Variants in NRXN1 observed in about 807,000 individuals in gnomAD.
The protein encoded by NRXN1 is neurexin-1.
Under a neutral mutation model 150.9 loss-of-function variants are expected in NRXN1, and 39 were observed. The observed-to-expected ratio is 0.26, with a 90% confidence interval of 0.20 to 0.34. The LOEUF is 0.34. NRXN1 is among the 10% of genes least tolerant of loss of function. The pLI, the probability that NRXN1 is intolerant of heterozygous loss-of-function variation, is 1.00. For missense variants in NRXN1, 1,815 were observed against 1,949.9 expected, an observed-to-expected ratio of 0.93 and a Z score of 1.30; for synonymous variants, 924 against 757.0, an observed-to-expected ratio of 1.22 and a Z score of -3.62.
chr2:50,397,512 G>C (rs952091144), intron 17 of NRXN1, among the ~76,000 whole-genome samples: 6 of 152,032 alleles, frequency 3.9e-5, no homozygotes, highest in African/African-American at 1.4e-4. Context: ...ATGAACGGTG[G>C]GTACTATTAT....
chr2:50,271,425 A>AT (rs2069612026), intron 17 of NRXN1, among the ~76,000 whole-genome samples: 1 of 152,194 alleles, frequency 6.6e-6, no homozygotes, highest in Non-Finnish European at 1.5e-5. Context: ...CAAAATGGTC[A>AT]TTTTTTAAAT....
At chr2:50,775,865 T>C (rs966507356) in intron 5 of NRXN1, among the ~76,000 whole-genome samples, 9 of 152,228 alleles carry the variant, frequency 5.9e-5, no homozygotes, top group South Asian at 2.1e-4. Flanking sequence ...TCCAGGGTGA[T>C]TCTTTTCTGT....
chr2:50,241,393 G>A (rs2065986099), intron 17 of NRXN1, among the ~76,000 whole-genome samples: 2 of 151,738 alleles, frequency 1.3e-5, no homozygotes, highest in South Asian at 4.1e-4. Flanking sequence ...GAGGAACATA[G>A]AGGAATGTGT....
chr2:50,372,363 A>T (rs1437455104), intron 17 of NRXN1, among the ~76,000 whole-genome samples: 1 of 152,100 alleles, frequency 6.6e-6, no homozygotes, highest in South Asian at 2.1e-4. Flanking sequence ...TGATTTTTAT[A>T]TAGGTTTTCC....
chr2:50,944,742 G>A (rs1215052703), intron 2 of NRXN1, among the ~76,000 whole-genome samples: 1 of 152,086 alleles, frequency 6.6e-6, no homozygotes. Context: ...TGCCTGTACT[G>A]CAAAGGCTAA....
intron 5 of NRXN1, among the ~76,000 whole-genome samples, chr2:50,668,450 G>C (rs1185987288): frequency 6.6e-6 from 1 of 151,840 alleles, no homozygotes; most frequent in Non-Finnish European, 1.5e-5. Context: ...TATATGAAAG[G>C]AATAATTGCA....
intron 18 of NRXN1, among the ~76,000 whole-genome samples, chr2:50,100,715 C>G (rs189656171): frequency 6.6e-6 from 1 of 152,158 alleles, no homozygotes; most frequent in East Asian, 1.9e-4. Flanking sequence ...AATAAAGCTA[C>G]CTTAGCCTCT....
At chr2:50,079,043 T>A (rs1317019004) in intron 19 of NRXN1, among the ~76,000 whole-genome samples, 1 of 152,096 alleles carries the variant, frequency 6.6e-6, no homozygotes, top group Non-Finnish European at 1.5e-5. Context: ...GTAATTTTTC[T>A]GTATGGGTGA....
At chr2:50,175,470 T>C (rs1009090387) in intron 18 of NRXN1, among the ~76,000 whole-genome samples, 2 of 152,080 alleles carry the variant, frequency 1.3e-5, no homozygotes, top group East Asian at 1.9e-4. Context: ...AGATGGAGCA[T>C]TTCATGAATG....
chr2:50,776,493 G>A (rs1213694442), intron 5 of NRXN1, among the ~76,000 whole-genome samples: 1 of 151,714 alleles, frequency 6.6e-6, no homozygotes, highest in Non-Finnish European at 1.5e-5. Context: ...CAATACTGGT[G>A]ACTTCTTCAT....
Position 50,346,763 on chromosome 2 carries a change from G to A in NRXN1, c.3365-109793C>T. ...ACTGAATGATGCTTGCTGCTGCCAT[G>A]GAAATGGTGGATGTGGTGCGCTCCC... On this transcript the variant is annotated intron_variant, in intron 17 of 22. Coordinates refer to ENST00000401669, the MANE Select transcript of NRXN1 (RefSeq NM_001330078.2). The surrounding 1 kb of genome is among the most constrained non-coding windows in gnomAD (Gnocchi z 5.0). 6.2e-7 allele frequency: 1 copy of A among 1,613,914 alleles called. No homozygotes were observed. The highest frequency in any genetic ancestry group is 8.5e-7 in the Non-Finnish European group (1 of 1,179,972).
chr2:50,636,064 C>G (rs1683193346), intron 5 of NRXN1, among the ~76,000 whole-genome samples: 2 of 151,996 alleles, frequency 1.3e-5, no homozygotes, highest in African/African-American at 4.8e-5. Context: ...TGTTTTATTG[C>G]CCAGAATATC....
intron 9 of NRXN1, among the ~76,000 whole-genome samples, chr2:50,544,624 G>A (rs377038672): frequency 2.0e-5 from 3 of 151,998 alleles, no homozygotes; most frequent in East Asian, 1.9e-4. Context: ...AGAATAAGGG[G>A]GAAAGGGCAC....
chr2:50,302,704 T>C (rs2074268808), intron 17 of NRXN1, among the ~76,000 whole-genome samples: 1 of 152,174 alleles, frequency 6.6e-6, no homozygotes, highest in Non-Finnish European at 1.5e-5. Context: ...ACCAAGCACA[T>C]GGCTGAAAAC....
intron 17 of NRXN1, among the ~76,000 whole-genome samples, chr2:50,302,690 G>A (rs893884298): frequency 1.1e-4 from 16 of 152,160 alleles, no homozygotes; most frequent in African/African-American, 3.9e-4. Flanking sequence ...CTGCAAACAT[G>A]AGCACCAAGC....
chr2:50,429,997 A>G (rs1291086871), intron 17 of NRXN1, among the ~76,000 whole-genome samples: 1 of 152,202 alleles, frequency 6.6e-6, no homozygotes, highest in East Asian at 1.9e-4. Context: ...ATATTCACAT[A>G]AAACAGAATA....
At chr2:50,159,200 T>C (rs1434264883) in intron 18 of NRXN1, among the ~76,000 whole-genome samples, 2 of 152,146 alleles carry the variant, frequency 1.3e-5, no homozygotes, top group African/African-American at 4.8e-5. Context: ...CTCCTTGATG[T>C]GTTTACAGAA....
At chr2:50,844,542 AT>A (rs1673355154) in intron 5 of NRXN1, among the ~76,000 whole-genome samples, 2 of 152,176 alleles carry the variant, frequency 1.3e-5, no homozygotes, top group Admixed American at 1.3e-4. Flanking sequence ...TATAGGTGGT[AT>A]TTGGGGAGCA....
intron 8 of NRXN1, 106 bp from the exon 9 acceptor site, chr2:50,553,131 A>G (rs1206861351): frequency 1.3e-6 from 1 of 793,940 alleles, no homozygotes; most frequent in African/African-American, 1.7e-5. Flanking sequence ...GGCACACGAT[A>G]TTTAGTTAAT....
Sources: allele counts gnomAD v4.1 joint callset (sites outside exome capture counted in the v4.1 genomes callset), GRCh38; gene constraint gnomAD v4.1.1; non-coding constraint Gnocchi (gnomAD v3.1); transcripts MANE v1.5; gene names NCBI Gene and HGNC (gene_info 2026-07-23, HGNC 2026-07-21).